Variants in TENM1 observed in about 807,000 individuals in gnomAD.
TENM1 encodes the protein teneurin transmembrane protein 1.
Under a neutral mutation model 174.8 loss-of-function variants are expected in TENM1, and 35 were observed. The ratio of observed to expected loss-of-function variants is 0.20; its 90% CI spans 0.15 to 0.27. TENM1 has a LOEUF of 0.27. Ranked by LOEUF, TENM1 falls within the 10% of genes least tolerant of loss-of-function variation. The probability of loss-of-function intolerance (pLI) is 1.00; values close to 1 mark genes in which losing one functional copy is unlikely to be tolerated. For missense variants in TENM1, 1,633 were observed against 2,130.1 expected, an observed-to-expected ratio of 0.77 and a Z score of 4.59; for synonymous variants, 781 against 798.7, an observed-to-expected ratio of 0.98 and a Z score of 0.37.
the TENM1 span, among the ~76,000 whole-genome samples, chrX:124,986,066 T>C: frequency 8.9e-6 from 1 of 112,000 alleles, no homozygotes; most frequent in Admixed American, 9.5e-5. Context: ...ATTATTTATT[T>C]GAAATAATAA....
rs750320272 is a variant in TENM1, at chrX:124,449,158, C to T, written c.4104+4179G>A. 9.0e-5 allele frequency among the ~76,000 whole-genome samples: 10 copies of T among 111,681 alleles called. No individual in the cohort carries two copies. In the East Asian group the frequency reaches 2.8e-3, roughly 31 times the overall value. On this transcript the variant is annotated intron_variant, in intron 23 of 31. Coordinates refer to ENST00000422452, the Ensembl canonical transcript of TENM1. ...GGTAAATCCTGCTGGCTTCTGCCATCCCCTTCTCATACCACACAACCTCCC... is the reference window on the plus strand; with the variant it reads ...GGTAAATCCTGCTGGCTTCTGCCATTCCCTTCTCATACCACACAACCTCCC...
chrX:125,045,196 G>A, the TENM1 span, among the ~76,000 whole-genome samples: 1 of 111,449 alleles, frequency 9.0e-6, no homozygotes, highest in African/African-American at 3.3e-5. Flanking sequence ...CAGTATGGGG[G>A]AAACAGCCCC....
At chrX:125,040,276 G>A in the TENM1 span, among the ~76,000 whole-genome samples, 9 of 110,488 alleles carry the variant, frequency 8.1e-5, no homozygotes, top group African/African-American at 2.9e-4. Context: ...TTGCATTTGC[G>A]ATCTTGTATT....
intron 27 of TENM1, among the ~76,000 whole-genome samples, chrX:124,392,768 A>G (rs1382233864): frequency 8.9e-6 from 1 of 112,157 alleles, no homozygotes; most frequent in African/African-American, 3.2e-5. Flanking sequence ...AAATCAGACA[A>G]AAGGAATACA....
chrX:124,501,975 T>G (rs1320664212), intron 19 of TENM1, among the ~76,000 whole-genome samples: 1 of 108,127 alleles, frequency 9.2e-6, no homozygotes, highest in African/African-American at 3.4e-5. Context: ...TAAAAGACTA[T>G]CCAAAGGAAG....
chrX:125,067,162 G>T, the TENM1 span, among the ~76,000 whole-genome samples: 2 of 111,132 alleles, frequency 1.8e-5, no homozygotes, highest in African/African-American at 6.5e-5. Flanking sequence ...CACCATAAGA[G>T]AACCTTGGTT....
chrX:124,944,277 A>G (rs1021528002), intron 1 of TENM1, among the ~76,000 whole-genome samples: 12 of 111,664 alleles, frequency 1.1e-4, no homozygotes, highest in Admixed American at 7.7e-4. Flanking sequence ...GTATAAAAGA[A>G]AAATTCATCT....
chrX:125,154,752 T>A, the TENM1 span, among the ~76,000 whole-genome samples: 1 of 110,343 alleles, frequency 9.1e-6, no homozygotes, highest in African/African-American at 3.3e-5. Flanking sequence ...TCTGGGTGGG[T>A]TCGTGGTCTC....
At chrX:125,130,177 T>C in the TENM1 span, among the ~76,000 whole-genome samples, 1 of 111,496 alleles carries the variant, frequency 9.0e-6, no homozygotes, top group African/African-American at 3.3e-5. Flanking sequence ...TTTCAAAAGT[T>C]ATCTGGTTGC....
At chrX:124,996,214 T>G in the TENM1 span, among the ~76,000 whole-genome samples, 2 of 110,909 alleles carry the variant, frequency 1.8e-5, no homozygotes. Flanking sequence ...TTCAAATTCT[T>G]TAATCCTTCT....
intron 3 of TENM1, among the ~76,000 whole-genome samples, chrX:124,764,555 A>G (rs909922288): frequency 3.6e-5 from 4 of 110,735 alleles, no homozygotes; most frequent in African/African-American, 3.3e-5. Flanking sequence ...CAATCCACAC[A>G]CTGCCTAGTG....
the TENM1 span, among the ~76,000 whole-genome samples, chrX:125,147,054 G>GTA: frequency 5.5e-5 from 6 of 108,296 alleles, no homozygotes; most frequent in Middle Eastern, 4.9e-3. Flanking sequence ...GTCTGTGTGT[G>GTA]TATATATATC....
intron 15 of TENM1, among the ~76,000 whole-genome samples, chrX:124,544,071 A>C (rs1194044065): frequency 1.8e-5 from 2 of 112,996 alleles, no homozygotes; most frequent in African/African-American, 3.2e-5. Flanking sequence ...AGCCCCTTCA[A>C]AATGCTTTCT....
the TENM1 span, among the ~76,000 whole-genome samples, chrX:125,012,175 G>A: frequency 1.8e-5 from 2 of 111,029 alleles, no homozygotes; most frequent in Non-Finnish European, 3.8e-5. Context: ...CACACACCAG[G>A]GCCTGTCGTG....
chrX:125,175,116 C>G, the TENM1 span, among the ~76,000 whole-genome samples: 2 of 111,071 alleles, frequency 1.8e-5, no homozygotes, highest in Non-Finnish European at 3.8e-5. Flanking sequence ...ACTGAACTGT[C>G]TACTATAATT....
At chrX:124,744,434 G>T (rs1044153088) in intron 3 of TENM1, among the ~76,000 whole-genome samples, 2 of 111,594 alleles carry the variant, frequency 1.8e-5, no homozygotes, top group Non-Finnish European at 1.9e-5. Flanking sequence ...GTTAGTATAC[G>T]GTATTAGTTA....
chrX:124,820,268 C>G (rs2056008866), intron 3 of TENM1, among the ~76,000 whole-genome samples: 1 of 111,482 alleles, frequency 9.0e-6, no homozygotes, highest in African/African-American at 3.3e-5. Context: ...ACATTACTTT[C>G]ATGTCTTTCC....
At chrX:125,152,645 C>A in the TENM1 span, among the ~76,000 whole-genome samples, 1 of 112,217 alleles carries the variant, frequency 8.9e-6, no homozygotes, top group Non-Finnish European at 1.9e-5. Context: ...AAGCTTGTGA[C>A]AACCAAGTTT....
At chrX:124,929,597 C>T (rs1483533700) in intron 1 of TENM1, among the ~76,000 whole-genome samples, 1 of 112,035 alleles carries the variant, frequency 8.9e-6, no homozygotes, top group Non-Finnish European at 1.9e-5. Flanking sequence ...TTACCTGGTG[C>T]TCCCAGAGAC....
Sources: allele counts gnomAD v4.1 joint callset (sites outside exome capture counted in the v4.1 genomes callset), GRCh38; gene constraint gnomAD v4.1.1; transcripts MANE v1.5; gene names NCBI Gene and HGNC (gene_info 2026-07-23, HGNC 2026-07-21).